Variants in ULK4 observed in about 807,000 individuals in gnomAD.
ULK4 encodes unc-51 like kinase 4.
In ULK4, 133 loss-of-function variants were observed where a neutral mutation model predicts 160.6. The ratio of observed to expected loss-of-function variants is 0.83; its 90% CI spans 0.72 to 0.96. The LOEUF (loss-of-function observed/expected upper bound fraction) is 0.96, where lower values mean the gene tolerates loss of function less well. Ranked by LOEUF, ULK4 falls within the 40% of genes least tolerant of loss-of-function variation. The pLI, the probability that ULK4 is intolerant of heterozygous loss-of-function variation, is 0.00. For synonymous variants in ULK4, 534 were observed against 539.8 expected (o/e 0.99, Z 0.15); for missense variants, 1,580 against 1,499.5 (o/e 1.05, Z -0.89).
intron 35 of ULK4, among the ~76,000 whole-genome samples, chr3:41,347,308 G>GA (rs1224757386): frequency 4.0e-5 from 6 of 151,830 alleles, no homozygotes; most frequent in Middle Eastern, 3.2e-3. Context: ...TTCATTTTTG[G>GA]AAAAAAATCA....
intron 31 of ULK4, among the ~76,000 whole-genome samples, chr3:41,595,224 G>A (rs775655702): frequency 3.9e-5 from 6 of 152,152 alleles, no homozygotes; most frequent in Non-Finnish European, 7.3e-5. Context: ...GCAAGGCGTG[G>A]TAAAGCACCC....
At chr3:41,705,944 G>A (rs2036861461) in intron 25 of ULK4, among the ~76,000 whole-genome samples, 1 of 152,092 alleles carries the variant, frequency 6.6e-6, no homozygotes, top group Non-Finnish European at 1.5e-5. Context: ...AGGGAAAACA[G>A]TCATCTCAAA....
intron 30 of ULK4, among the ~76,000 whole-genome samples, chr3:41,648,040 C>G (rs919210944): frequency 1.3e-5 from 2 of 152,220 alleles, no homozygotes; most frequent in African/African-American, 4.8e-5. Flanking sequence ...ATTTTTTAAG[C>G]CCGTCGGAAA....
At chr3:41,697,084 T>G (rs2036527803) in intron 27 of ULK4, among the ~76,000 whole-genome samples, 1 of 152,206 alleles carries the variant, frequency 6.6e-6, no homozygotes, top group Admixed American at 6.5e-5. Context: ...AATAAATTTG[T>G]GTTGTTTTAA....
intron 35 of ULK4, among the ~76,000 whole-genome samples, chr3:41,386,055 C>T (rs1336242296): frequency 6.6e-6 from 1 of 152,148 alleles, no homozygotes; most frequent in Non-Finnish European, 1.5e-5. Flanking sequence ...AGATCATAAA[C>T]TTCATAAGAG....
intron 32 of ULK4, among the ~76,000 whole-genome samples, chr3:41,507,420 A>C (rs926279511): frequency 2.6e-5 from 4 of 151,932 alleles, no homozygotes; most frequent in Non-Finnish European, 5.9e-5. Context: ...CACAAGAGAA[A>C]ATTAAAATTC....
chr3:41,661,401 G>A (rs1051574045), intron 30 of ULK4, among the ~76,000 whole-genome samples: 5 of 151,798 alleles, frequency 3.3e-5, no homozygotes, highest in African/African-American at 9.7e-5. Flanking sequence ...GTGTGTGTGC[G>A]TGCCCACATG....
At chr3:41,657,834 A>C (rs540243144) in intron 30 of ULK4, among the ~76,000 whole-genome samples, 35 of 150,072 alleles carry the variant, frequency 2.3e-4, no homozygotes, top group East Asian at 7.8e-4. Flanking sequence ...AAAAAAAAAA[A>C]ACACACACCA....
intron 32 of ULK4, among the ~76,000 whole-genome samples, chr3:41,482,788 T>G (rs1407620204): frequency 1.3e-5 from 2 of 152,242 alleles, no homozygotes; most frequent in African/African-American, 4.8e-5. Context: ...AGACAAGTAC[T>G]TTCAATTCCT....
At chr3:41,470,499 C>T (rs906560679) in intron 32 of ULK4, among the ~76,000 whole-genome samples, 48 of 152,238 alleles carry the variant, frequency 3.2e-4, no homozygotes, top group African/African-American at 1.2e-3. Context: ...CAAAAAACCA[C>T]TAATAACATA....
intron 35 of ULK4, among the ~76,000 whole-genome samples, chr3:41,274,283 C>T (rs896344211): frequency 2.0e-5 from 3 of 152,256 alleles, no homozygotes; most frequent in African/African-American, 4.8e-5. Flanking sequence ...TGACCAGATA[C>T]GGAAATTCTC....
intron 32 of ULK4, among the ~76,000 whole-genome samples, chr3:41,476,443 C>G (rs2084146403): frequency 6.6e-6 from 1 of 152,090 alleles, no homozygotes; most frequent in Non-Finnish European, 1.5e-5. Flanking sequence ...CAGGGAAGTT[C>G]AAGGATATTG....
At chr3:41,808,012 G>A (rs1025960293) in intron 19 of ULK4, among the ~76,000 whole-genome samples, 8 of 152,110 alleles carry the variant, frequency 5.3e-5, no homozygotes, top group African/African-American at 1.7e-4. Flanking sequence ...TTGTCGTCGC[G>A]TATCTCCTAG....
At chr3:41,445,682 T>C (rs535166978) in intron 34 of ULK4, among the ~76,000 whole-genome samples, 1,726 of 152,294 alleles carry the variant, frequency 0.011, 16 homozygotes, top group Non-Finnish European at 0.017. Context: ...TGGAGAAAGC[T>C]GAAACTGGAT....
chr3:41,518,983 G>A (rs145911668), intron 32 of ULK4, among the ~76,000 whole-genome samples: 26 of 152,180 alleles, frequency 1.7e-4, no homozygotes, highest in Admixed American at 2.0e-4. Flanking sequence ...ATTGGCAAAT[G>A]TAAGAAAGAA....
At chr3:41,804,801 G>A (rs1681700859) in intron 19 of ULK4, among the ~76,000 whole-genome samples, 1 of 152,094 alleles carries the variant, frequency 6.6e-6, no homozygotes, top group African/African-American at 2.4e-5. Flanking sequence ...GTAGATATGT[G>A]GCATTATTTC....
chr3:41,675,214 T>C (rs757343725), intron 29 of ULK4, among the ~76,000 whole-genome samples: 3 of 151,876 alleles, frequency 2.0e-5, no homozygotes, highest in Non-Finnish European at 4.4e-5. Context: ...CACTCCAGCC[T>C]GGCGACAAAG....
At chr3:41,909,632 T>C (rs769345791) in intron 11 of ULK4, among the ~76,000 whole-genome samples, 3 of 151,808 alleles carry the variant, frequency 2.0e-5, no homozygotes, top group Non-Finnish European at 2.9e-5. Flanking sequence ...TGAGAATCGC[T>C]TGAACCAGGG....
intron 32 of ULK4, among the ~76,000 whole-genome samples, chr3:41,492,891 A>C (rs577857206): frequency 0.11 from 15,376 of 142,638 alleles, 1,158 homozygotes; most frequent in Non-Finnish European, 0.15. Flanking sequence ...TCCTAAATAT[A>C]TATGCACCCA....
Sources: gnomAD v4.1 joint callset for allele counts (sites outside exome capture counted in the v4.1 genomes callset) on GRCh38, gnomAD v4.1.1 for gene constraint, MANE v1.5 for transcripts, NCBI Gene and HGNC (gene_info 2026-07-23, HGNC 2026-07-21) for gene names.